Variants in WDR49 observed in about 807,000 individuals in gnomAD.
The protein encoded by WDR49 is cilia- and flagella-associated protein 337.
A neutral mutation model predicts 119.5 loss-of-function variants in WDR49; 107 were observed. The observed-to-expected ratio is 0.90, with a 90% CI of 0.77 to 1.05. The LOEUF (loss-of-function observed/expected upper bound fraction) is 1.05, where lower values mean the gene tolerates loss of function less well. Ranked by LOEUF, WDR49 falls within the 50% of genes least tolerant of loss-of-function variation. The pLI, the probability that WDR49 is intolerant of heterozygous loss-of-function variation, is 0.00. For synonymous variants in WDR49, 425 were observed against 418.8 expected (o/e 1.01, Z -0.18); for missense variants, 1,240 against 1,220.5 (o/e 1.02, Z -0.24).
intron 7 of WDR49, among the ~76,000 whole-genome samples, chr3:167,584,440 CTGATCCTAAAATTTA>C (rs1714706217): frequency 6.6e-6 from 1 of 152,058 alleles, no homozygotes; most frequent in African/African-American, 2.4e-5. Flanking sequence ...GACATTTGTA[CTGATCCTAAAATTTA>C]CTTGGAAGGA....
chr3:167,518,443 A>T (rs1434184229), intron 16 of WDR49, among the ~76,000 whole-genome samples: 2 of 152,086 alleles, frequency 1.3e-5, no homozygotes, highest in African/African-American at 4.8e-5. Context: ...GTGTGAGATC[A>T]TATCTCACTG....
intron 7 of WDR49, among the ~76,000 whole-genome samples, chr3:167,598,401 C>A (rs1027083926): frequency 5.3e-5 from 8 of 152,236 alleles, no homozygotes; most frequent in Admixed American, 5.2e-4. Context: ...TGTGTCCCCA[C>A]CCAAATCTCA....
chr3:167,557,786 A>G (rs577077022), intron 9 of WDR49, among the ~76,000 whole-genome samples: 1 of 152,014 alleles, frequency 6.6e-6, no homozygotes, highest in African/African-American at 2.4e-5. Context: ...AAGAGTACCA[A>G]CCTTATAGAT....
chr3:167,577,552 A>C (rs911007495), intron 7 of WDR49, among the ~76,000 whole-genome samples: 1 of 151,954 alleles, frequency 6.6e-6, no homozygotes, highest in African/African-American at 2.4e-5. Context: ...TTTTTAATGT[A>C]GTGTCTACCT....
chr3:167,588,467 C>T (rs1714930768), intron 7 of WDR49, among the ~76,000 whole-genome samples: 2 of 152,050 alleles, frequency 1.3e-5, no homozygotes, highest in Non-Finnish European at 2.9e-5. Flanking sequence ...GGGTATATAC[C>T]TAGTAGTGGG....
At chr3:167,609,506 G>T (rs866845011) in intron 5 of WDR49, among the ~76,000 whole-genome samples, 2 of 152,172 alleles carry the variant, frequency 1.3e-5, no homozygotes, top group South Asian at 2.1e-4. Context: ...CCTTAGCAGA[G>T]GGGAATCGCC....
chr3:167,650,192 A>G (rs1718306694), intron 2 of WDR49, among the ~76,000 whole-genome samples: 1 of 152,232 alleles, frequency 6.6e-6, no homozygotes, highest in Admixed American at 6.5e-5. Context: ...TTTACTTCTC[A>G]CCACTCCTAT....
At chr3:167,656,822 A>T (rs1219971285), upstream of WDR49, among the ~76,000 whole-genome samples, 1 of 152,206 alleles carries the variant, frequency 6.6e-6, no homozygotes, top group Non-Finnish European at 1.5e-5. Flanking sequence ...CCATGAATCA[A>T]GTATGATATT....
chr3:167,632,339 A>G (rs1717414270), intron 2 of WDR49, among the ~76,000 whole-genome samples: 1 of 152,086 alleles, frequency 6.6e-6, no homozygotes, highest in Admixed American at 6.6e-5. Flanking sequence ...TTCCAAAGTG[A>G]TATAAGCAAT....
chr3:167,568,471 A>G (rs1463362327), intron 8 of WDR49, among the ~76,000 whole-genome samples: 1 of 152,204 alleles, frequency 6.6e-6, no homozygotes, highest in Non-Finnish European at 1.5e-5. Context: ...GGTATTTCAC[A>G]AAAAAAGTAT....
intron 8 of WDR49, among the ~76,000 whole-genome samples, chr3:167,574,103 A>T (rs925035354): frequency 1.1e-4 from 17 of 152,194 alleles, no homozygotes. Flanking sequence ...TGTTAGTAAT[A>T]TGTCTCCCTT....
intron 10 of WDR49, among the ~76,000 whole-genome samples, chr3:167,552,322 T>A (rs780008777): frequency 2.0e-5 from 3 of 151,948 alleles, no homozygotes; most frequent in African/African-American, 7.2e-5. Context: ...ATTTAAGAAG[T>A]GAGAGGTGGG....
intron 10 of WDR49, among the ~76,000 whole-genome samples, chr3:167,537,312 C>T (rs965828839): frequency 7.2e-5 from 11 of 152,152 alleles, no homozygotes; most frequent in African/African-American, 2.7e-4. Context: ...AGTTTCCCCA[C>T]ATGGGTATTA....
Position 167,531,180 on chromosome 3 carries a change from G to C in WDR49, c.2153C>G (p.Thr718Ser), listed in dbSNP as rs756746229. The C allele has an allele frequency of 6.2e-6, 10 of 1,612,054 alleles. No homozygotes were observed. The East Asian group carries it at 2.2e-4, about 36-fold the overall frequency. The change falls in exon 13 of 19, where the codon ACT (threonine) becomes AGT (serine). Residue 718 changes from threonine (T) to serine (S), a missense_variant. Transcript: ENST00000682715. ...TCTCATAACAGCATTTTTGCCCTCA[G>C]TGTCAATCTCAAAGTTGCGGACTCC... The part of the protein sequence containing the change: ...TTGVRNFEID[T>S]EGKNAVMRLC...
intron 2 of WDR49, among the ~76,000 whole-genome samples, chr3:167,633,796 C>T (rs1298646260): frequency 6.6e-6 from 1 of 151,906 alleles, no homozygotes; most frequent in South Asian, 2.1e-4. Context: ...CATTTGTATT[C>T]CCTTAAGCCA....
chr3:167,492,725 T>A lies in WDR49; in HGVS notation c.3031+7428A>T, dbSNP rs1312268988. Among the ~76,000 whole-genome samples, 3 of 152,160 alleles carry A rather than the reference T, an allele frequency of 2.0e-5. No individual in the cohort carries two copies. The East Asian group carries it at 5.8e-4, about 29-fold the overall frequency. Reference sequence around the variant, plus strand: ...TTAAGTTTACAAAGCTAGCAAGTAGTAGAACCTTGTTTTGAAACCAGTCTT... The same window carrying A: ...TTAAGTTTACAAAGCTAGCAAGTAGAAGAACCTTGTTTTGAAACCAGTCTT... On this transcript the variant is annotated intron_variant, in intron 18 of 18. Transcript: ENST00000682715.
In WDR49 at chr3:167,522,296, A is replaced by T; in HGVS notation, c.2774+19T>A. On this transcript the variant is annotated intron_variant, in intron 16 of 18. Transcript: ENST00000682715. ...TCTAGACTTCAGTTGACATCTGGCT[A>T]ATGTTCAAAATTACTTACTTGTATG... is the stretch of plus-strand genomic sequence containing the variant. 5.1e-6 allele frequency: 8 copies of T among 1,560,012 alleles called. No individual in the cohort carries two copies. Among genetic ancestry groups the T allele is most frequent in the Non-Finnish European group, 6.0e-6 (7 of 1,163,088 alleles).
intron 2 of WDR49, among the ~76,000 whole-genome samples, chr3:167,647,773 A>G (rs1718193255): frequency 6.6e-6 from 1 of 152,182 alleles, no homozygotes; most frequent in South Asian, 2.1e-4. Flanking sequence ...TCACCTGTTT[A>G]CCTTCTCACA....
chr3:167,487,199 G>C (rs1163477670), intron 18 of WDR49, among the ~76,000 whole-genome samples: 1 of 151,894 alleles, frequency 6.6e-6, no homozygotes, highest in East Asian at 1.9e-4. Flanking sequence ...CAATGGAAAA[G>C]AATAAAAATC....
Sources: gnomAD v4.1 joint callset for allele counts (sites outside exome capture counted in the v4.1 genomes callset) on GRCh38, gnomAD v4.1.1 for gene constraint, MANE v1.5 for transcripts, NCBI Gene and HGNC (gene_info 2026-07-23, HGNC 2026-07-21) for gene names.